The following MYH9 variants were observed in gnomAD, a reference collection of about 807,000 sequenced individuals.
The protein encoded by MYH9 is myosin heavy chain 9, also known as myosin-9.
Under a neutral mutation model 241.9 loss-of-function variants are expected in MYH9, and 29 were observed. That is an observed-to-expected ratio of 0.12 (90% CI 0.09 to 0.16). The LOEUF is 0.16. Among genes scored for constraint, MYH9 ranks in the 10% least tolerant of loss-of-function variants. MYH9 has a pLI of 1.00. For missense variants in MYH9, 1,803 were observed against 2,595.5 expected (o/e 0.69, Z 6.63); for synonymous variants, 1,047 against 1,062.6 (o/e 0.99, Z 0.29).
At chr22:36,367,736 G>A (rs1358435354) in intron 1 of MYH9, among the ~76,000 whole-genome samples, 1 of 152,164 alleles carries the variant, frequency 6.6e-6, no homozygotes, top group Non-Finnish European at 1.5e-5. Flanking sequence ...GCCACAGTCT[G>A]GTTTGAAAGT....
intron 10 of MYH9, among the ~76,000 whole-genome samples, chr22:36,319,173 A>G (rs2017207979): frequency 6.6e-6 from 1 of 152,176 alleles, no homozygotes; most frequent in Non-Finnish European, 1.5e-5. Flanking sequence ...CAACCCTAAC[A>G]AAGGGGCTGA....
rs761384179 is a variant in MYH9 at position 36,318,277 on chromosome 22, G to A, written c.1157C>T (p.Thr386Ile). ...GATGCGCGGGGTGAGGATTCCTCTGGTGAAATCGGTCACATTGATACCCAA... is the reference window on the plus strand; with the variant it reads ...GATGCGCGGGGTGAGGATTCCTCTGATGAAATCGGTCACATTGATACCCAA... ...HLLGINVTDF[T>I]RGILTPRIKV... The change falls in exon 11 of 41, where the codon ACC becomes ATC. Residue 386 changes from threonine (T) to isoleucine (I), a missense_variant. By Grantham distance (89) the Thr-to-Ile change is moderately conservative (BLOSUM62 -1). Around this residue, in one of 11 missense-constraint regions of MYH9, gnomAD observed 222 missense variants for 359.9 expected, o/e 0.62. Coordinates refer to ENST00000216181, the MANE Select transcript of MYH9 (RefSeq NM_002473.6). 1.9e-6 allele frequency: 3 copies of A among 1,613,760 alleles called. No individual in the cohort carries two copies. The East Asian group carries it at 6.7e-5, about 36-fold the overall frequency.
chr22:36,385,753 A>G (rs1484439389), intron 1 of MYH9, among the ~76,000 whole-genome samples: 1 of 152,096 alleles, frequency 6.6e-6, no homozygotes, highest in Non-Finnish European at 1.5e-5. Flanking sequence ...GAGTGTGGAG[A>G]CTGAAGTTCT....
intron 1 of MYH9, among the ~76,000 whole-genome samples, chr22:36,379,453 G>T (rs2018221731): frequency 6.6e-6 from 1 of 152,232 alleles, no homozygotes; most frequent in African/African-American, 2.4e-5. Flanking sequence ...AGCGTGCAGT[G>T]AGCTGAGATC....
chr22:36,386,290 G>C (rs557658091), intron 1 of MYH9, among the ~76,000 whole-genome samples: 1 of 152,024 alleles, frequency 6.6e-6, no homozygotes, highest in African/African-American at 2.4e-5. Context: ...CAGAGTCCCT[G>C]GCACAGAGAG....
At position 36,324,892 on chromosome 22, in the gene MYH9, T is replaced by C. The variant is rs1427217775; in HGVS notation, c.612+1676A>G. ...CATGCTGTCTTTGCTGAGTGCTGCC[T>C]TCCCCTCTACAACAGGAACCCCAGA... On this transcript the variant is annotated intron_variant, in intron 5 of 40. Transcript: ENST00000216181. 6.8e-6 allele frequency: 4 copies of C among 591,546 alleles called. No individual in the cohort carries two copies. In the Admixed American group the frequency reaches 1.2e-4, roughly 18 times the overall value. 36.6% of individuals were successfully genotyped at this position (591,546 alleles called of 1,614,324 possible).
At chr22:36,290,608 A>G (rs1318690082) in intron 31 of MYH9, among the ~76,000 whole-genome samples, 5 of 142,992 alleles carry the variant, frequency 3.5e-5, no homozygotes, top group Non-Finnish European at 7.7e-5. Context: ...CTGGCCGCCC[A>G]TCGTCTGGGA....
chr22:36,293,782 C>T lies in MYH9; in HGVS notation c.3919G>A (p.Glu1307Lys). The stretch of plus-strand genomic sequence containing the variant: ...ACCTGAGTGTCCTGCAGCTGGGACT[C>T]CAGCGCGGAGAAGTCCTTGGTGAGC... ...SKLTKDFSAL[E>K]SQLQDTQELL... Residue 1307 changes from glutamate (E) to lysine (K), a missense_variant, in exon 29 of 41, where the codon GAG becomes AAG. This residue lies in a region of MYH9 where 876 missense variants were observed against 1,077.8 expected (regional missense o/e 0.81). Transcript: ENST00000216181. The surrounding 1 kb of genome is among the most constrained non-coding windows in gnomAD (Gnocchi z 5.1). 1.2e-6 allele frequency: 2 copies of T among 1,613,920 alleles called. No homozygotes were observed. Among genetic ancestry groups the T allele is most frequent in the Non-Finnish European group, 1.7e-6 (2 of 1,180,024 alleles).
At chr22:36,332,661 T>TAAAA (rs67602880) in intron 3 of MYH9, among the ~76,000 whole-genome samples, 532 of 44,502 alleles carry the variant, frequency 0.012, 34 homozygotes, top group South Asian at 0.027. Context: ...TCTGGATAAT[T>TAAAA]AAAAAAAAAA....
At chr22:36,365,421 C>G in intron 1 of MYH9, among the ~76,000 whole-genome samples, 1 of 152,144 alleles carries the variant, frequency 6.6e-6, no homozygotes, top group East Asian at 1.9e-4. Flanking sequence ...GCCAGGGCAT[C>G]TCATCCTTGG....
Position 36,306,341 on chromosome 22 carries a change from T to C in MYH9, c.2037+73A>G. On this transcript the variant is annotated intron_variant, in intron 16 of 40. Coordinates refer to ENST00000216181, the MANE Select transcript of MYH9 (RefSeq NM_002473.6). This position sits in a 1 kb window ranked among gnomAD's most constrained non-coding sequence, Gnocchi z 4.1. Reference sequence around the variant, plus strand: ...TGGGGGGCTGGAGGGGTGCTTTTGCTGGGGAGACAGACAAGGGCTGAGCAC... The same window carrying C: ...TGGGGGGCTGGAGGGGTGCTTTTGCCGGGGAGACAGACAAGGGCTGAGCAC... The C allele has an allele frequency of 6.3e-7, 1 of 1,582,486 alleles. No individual in the cohort carries two copies. The highest frequency in any genetic ancestry group is 8.6e-7 in the Non-Finnish European group (1 of 1,158,558).
At chr22:36,359,780 C>T (rs2017909120) in intron 1 of MYH9, among the ~76,000 whole-genome samples, 1 of 152,196 alleles carries the variant, frequency 6.6e-6, no homozygotes, top group Non-Finnish European at 1.5e-5. Flanking sequence ...ACGCCTCCAT[C>T]TATCAAGTAG....
chr22:36,304,417 T>C (rs1415286995), intron 18 of MYH9, among the ~76,000 whole-genome samples: 1 of 152,234 alleles, frequency 6.6e-6, no homozygotes, highest in Admixed American at 6.5e-5. Context: ...CAGCCAAAGC[T>C]TTCTGATTCT....
At chr22:36,378,939 T>C (rs777712250) in intron 1 of MYH9, among the ~76,000 whole-genome samples, 8 of 151,496 alleles carry the variant, frequency 5.3e-5, no homozygotes, top group Non-Finnish European at 1.2e-4. Context: ...ACTCACAGAA[T>C]GAGCTTAAGC....
intron 1 of MYH9, among the ~76,000 whole-genome samples, chr22:36,354,956 A>AACACACACAC (rs136203): frequency 0.095 from 11,675 of 123,538 alleles, 777 homozygotes; most frequent in Admixed American, 0.13. Context: ...CAAAAAACAA[A>AACACACACAC]ACACACACAC....
chr22:36,299,151 A>G, intron 23 of MYH9, 109 bp from the exon 24 acceptor site: 1 of 1,418,656 alleles, frequency 7.0e-7, no homozygotes, highest in Non-Finnish European at 9.9e-7. Flanking sequence ...AGAGGGCTTT[A>G]GACGCTTGAT....
chr22:36,334,886 G>A (rs2017475028), intron 3 of MYH9, among the ~76,000 whole-genome samples: 1 of 152,182 alleles, frequency 6.6e-6, no homozygotes, highest in Non-Finnish European at 1.5e-5. Context: ...CTCCAGCCAG[G>A]TTGCAGTTAG....
chr22:36,317,234 C>G (rs542955184), intron 11 of MYH9, among the ~76,000 whole-genome samples: 9 of 152,282 alleles, frequency 5.9e-5, no homozygotes, highest in Non-Finnish European at 1.3e-4. Context: ...TCTTTACACT[C>G]TCCCCTCTTC....
intron 1 of MYH9, among the ~76,000 whole-genome samples, chr22:36,377,708 G>A (rs1055047673): frequency 1.2e-4 from 18 of 152,020 alleles, no homozygotes; most frequent in Admixed American, 1.0e-3. Context: ...AGGAGATGGA[G>A]ACCATCCTGG....
Sources: allele counts gnomAD v4.1 joint callset (sites outside exome capture counted in the v4.1 genomes callset), GRCh38; gene constraint gnomAD v4.1.1; regional missense constraint gnomAD v4.1.1; non-coding constraint Gnocchi (gnomAD v3.1); transcripts MANE v1.5; gene names NCBI Gene and HGNC (gene_info 2026-07-23, HGNC 2026-07-21).